HK2: variants seen among roughly 807,000 people sequenced by gnomAD.
HK2 encodes hexokinase-2.
In HK2, 42 loss-of-function variants were observed where a neutral mutation model predicts 92.9. That is an observed-to-expected ratio of 0.45 (90% CI 0.35 to 0.58). The LOEUF is 0.58. HK2 is among the 20% of genes least tolerant of loss of function. HK2 has a pLI of 0.00. For synonymous variants in HK2, 422 were observed against 468.0 expected, an observed-to-expected ratio of 0.90 and a Z score of 1.27; for missense variants, 978 against 1,245.1, an observed-to-expected ratio of 0.79 and a Z score of 3.23.
At chr2:74,884,454 A>G (rs951582590) in intron 12 of HK2, among the ~76,000 whole-genome samples, 2 of 152,260 alleles carry the variant, frequency 1.3e-5, no homozygotes, top group African/African-American at 4.8e-5. Context: ...TTATTTGAAC[A>G]TCCCGTAAAC....
rs1011848459 is a variant in HK2 at position 74,891,976 on chromosome 2, C to T, written c.*1035C>T. 6.6e-5 allele frequency: 10 copies of T among 152,622 alleles called. No individual in the cohort carries two copies. The highest frequency in any genetic ancestry group is 1.9e-4 in the African/African-American group (8 of 41,438). The allele number at this position is 152,622 out of a possible 1,614,324, so 9.5% of individuals were successfully genotyped here. A position where few individuals can be genotyped will look rare whatever the true frequency, so the allele number is the denominator to read the frequency against. On this transcript the variant is annotated 3_prime_UTR_variant, in exon 18 of 18. Coordinates refer to ENST00000290573, the MANE Select transcript of HK2 (RefSeq NM_000189.5). ...TCTTCAGGGTGAGTGAATGGCAAAGCGGTTGCTTCTGGCTCCTCCTTCCCC... is the reference window on the plus strand; with the variant it reads ...TCTTCAGGGTGAGTGAATGGCAAAGTGGTTGCTTCTGGCTCCTCCTTCCCC...
intron 6 of HK2, 139 bp downstream of exon 6, chr2:74,874,082 C>T (rs1425682819): frequency 7.3e-5 from 70 of 960,962 alleles, no homozygotes; most frequent in South Asian, 1.6e-4. Context: ...TTTGGAGAGC[C>T]GAGCAGGGAC....
At chr2:74,870,077 C>T (rs776171620) in intron 3 of HK2, among the ~76,000 whole-genome samples, 1 of 150,992 alleles carries the variant, frequency 6.6e-6, no homozygotes, top group African/African-American at 2.4e-5. Flanking sequence ...GGCACCATCC[C>T]GGCTCTCTGC....
chr2:74,867,691 G>A lies in HK2; in HGVS notation c.282G>A (p.Trp94Ter), dbSNP rs1171899563. Residue 94 changes from tryptophan to a stop codon, truncating the protein, a stop_gained, in exon 3 of 18, where the codon TGG becomes TGA. Transcript: ENST00000290573. LOFTEE classifies it high-confidence loss of function. ...DLGGTNFRVL[W>*]VKVTDNGLQK... ...GAGGGACCAACTTCCGTGTGCTTTG[G>A]GTGAAAGTAACGGACAATGGGCTCC... The A allele has an allele frequency of 6.2e-7, 1 of 1,613,950 alleles. No individual in the cohort carries two copies. Among genetic ancestry groups the A allele is most frequent in the African/African-American group, 1.3e-5 (1 of 74,886 alleles).
chr2:74,834,784 C>G lies in HK2; in HGVS notation c.63+141C>G. 1 of 893,214 alleles carries G rather than the reference C, an allele frequency of 1.1e-6. No homozygotes were observed. Among genetic ancestry groups the G allele is most frequent in the Non-Finnish European group, 1.8e-6 (1 of 553,538 alleles). 55.3% of individuals were successfully genotyped at this position (893,214 alleles called of 1,614,324 possible). On this transcript the variant is annotated intron_variant, in intron 1 of 17. Transcript: ENST00000290573. This position sits in a 1 kb window ranked among gnomAD's most constrained non-coding sequence, Gnocchi z 4.2. ...GGAAAAAGTTTGGGCAGCCGGGACA[C>G]TCCTGGGCGCCAGGAGCCACGTCCG...
intron 2 of HK2, among the ~76,000 whole-genome samples, chr2:74,863,809 A>G (rs1222342268): frequency 1.3e-5 from 2 of 152,204 alleles, no homozygotes; most frequent in African/African-American, 4.8e-5. Context: ...ATGATATTGT[A>G]GGGCAGAAAG....
intron 7 of HK2, among the ~76,000 whole-genome samples, chr2:74,875,027 C>T (rs539027922): frequency 4.6e-4 from 70 of 152,322 alleles, no homozygotes; most frequent in East Asian, 4.0e-3. Context: ...GGGCGTCTAG[C>T]ATTTTGGATC....
In HK2 at chr2:74,834,490, C is replaced by A; in HGVS notation, c.-91C>A. On this transcript the variant is annotated 5_prime_UTR_variant, in exon 1 of 18. Coordinates refer to ENST00000290573, the MANE Select transcript of HK2 (RefSeq NM_000189.5). This position sits in a 1 kb window ranked among gnomAD's most constrained non-coding sequence, Gnocchi z 4.2. ...CCAGCTCCCGGCCCGGCAGCCGAGCCCCAGCACAAAGCAGTCGGACCGCGC... is the reference window on the plus strand; with the variant it reads ...CCAGCTCCCGGCCCGGCAGCCGAGCACCAGCACAAAGCAGTCGGACCGCGC... 1 of 1,327,990 alleles carries A rather than the reference C, an allele frequency of 7.5e-7. No individual in the cohort carries two copies. The highest frequency in any genetic ancestry group is 1.1e-6 in the Non-Finnish European group (1 of 926,032). The allele number at this position is 1,327,990 out of a possible 1,614,324, so 82.3% of individuals were successfully genotyped here.
chr2:74,861,314 G>T (rs948945390), intron 2 of HK2, among the ~76,000 whole-genome samples: 1 of 152,086 alleles, frequency 6.6e-6, no homozygotes, highest in Non-Finnish European at 1.5e-5. Flanking sequence ...CCAGCTACTG[G>T]GGGGCTGAGA....
chr2:74,876,951 ATTC>A (rs1234044772), intron 7 of HK2, among the ~76,000 whole-genome samples: 1 of 152,126 alleles, frequency 6.6e-6, no homozygotes, highest in African/African-American at 2.4e-5. Flanking sequence ...AGTTTCATTT[ATTC>A]TTCTCCATAG....
At chr2:74,865,225 G>A (rs897010703) in intron 2 of HK2, among the ~76,000 whole-genome samples, 2 of 152,178 alleles carry the variant, frequency 1.3e-5, no homozygotes, top group East Asian at 1.9e-4. Flanking sequence ...GAGGAGTCCT[G>A]TAAGCAAAGC....
At chr2:74,847,377 A>T (rs1033587447) in intron 1 of HK2, among the ~76,000 whole-genome samples, 1 of 152,152 alleles carries the variant, frequency 6.6e-6, no homozygotes, top group Non-Finnish European at 1.5e-5. Flanking sequence ...TGGCGAGATG[A>T]TTACTGAAAA....
At position 74,880,572 on chromosome 2, in the gene HK2, A is replaced by G; in HGVS notation, c.1570+3A>G. The G allele has an allele frequency of 1.2e-6, 2 of 1,612,900 alleles. No individual in the cohort carries two copies. The highest frequency in any genetic ancestry group is 1.1e-5 in the South Asian group (1 of 90,972). ...GTGTGCTACCCCGGACGGCACAGGT[A>G]CACGGCAGGGTTGCCACCTGGCTCA... On this transcript the variant is annotated splice_donor_region_variant and intron_variant, in intron 10 of 17. Transcript: ENST00000290573.
At chr2:74,841,076 G>A (rs926451681) in intron 1 of HK2, among the ~76,000 whole-genome samples, 5 of 151,978 alleles carry the variant, frequency 3.3e-5, no homozygotes, top group Admixed American at 6.6e-5. Flanking sequence ...GGACAGATAC[G>A]TTTTTTGTGA....
intron 1 of HK2, among the ~76,000 whole-genome samples, chr2:74,848,397 A>C (rs144076085): frequency 6.6e-6 from 1 of 152,370 alleles, no homozygotes; most frequent in Non-Finnish European, 1.5e-5. Context: ...AACCATTTTA[A>C]GTGTACAATT....
chr2:74,878,436 T>C (rs1446102651), intron 8 of HK2, among the ~76,000 whole-genome samples: 4 of 139,690 alleles, frequency 2.9e-5, no homozygotes, highest in Admixed American at 7.0e-5. Context: ...TGTGTGTGTG[T>C]GTGCGCACGC....
intron 12 of HK2, 63 bp from the exon 13 acceptor site, chr2:74,885,431 C>A (rs1689498597): frequency 1.8e-6 from 2 of 1,136,804 alleles, no homozygotes; most frequent in Admixed American, 1.7e-5. Context: ...CACAGCTGGA[C>A]CCCCAGAACT....
In HK2 at chr2:74,877,046, G is replaced by T. The variant is rs1016778912; in HGVS notation, c.876-120G>T. Reference sequence around the variant, plus strand: ...TCTCCACGTATCTTACTCCTGGGCCGTGCTGCACACATTAACCCTTAGTTG... The same window carrying T: ...TCTCCACGTATCTTACTCCTGGGCCTTGCTGCACACATTAACCCTTAGTTG... On this transcript the variant is annotated intron_variant, in intron 7 of 17. Coordinates refer to ENST00000290573, the MANE Select transcript of HK2 (RefSeq NM_000189.5). 1.3e-4 allele frequency: 178 copies of T among 1,356,122 alleles called. 2 individuals are homozygous for T. The highest frequency in any genetic ancestry group is 1.0e-3 in the Middle Eastern group (4 of 3,998). 84.0% of individuals were successfully genotyped at this position (1,356,122 alleles called of 1,614,324 possible).
intron 1 of HK2, among the ~76,000 whole-genome samples, chr2:74,845,218 A>C (rs1688408388): frequency 6.6e-6 from 1 of 152,204 alleles, no homozygotes; most frequent in African/African-American, 2.4e-5. Context: ...TTACTTGTTA[A>C]TGTATCTGTC....
Sources: allele counts gnomAD v4.1 joint callset (sites outside exome capture counted in the v4.1 genomes callset), GRCh38; gene constraint gnomAD v4.1.1; non-coding constraint Gnocchi (gnomAD v3.1); transcripts MANE v1.5; gene names NCBI Gene and HGNC (gene_info 2026-07-23, HGNC 2026-07-21).